The following LRRTM4 variants were observed in gnomAD, a reference collection of about 807,000 sequenced individuals.
The protein encoded by LRRTM4 is leucine rich repeat transmembrane neuronal 4.
LRRTM4 carries 25 observed loss-of-function variants against 47.6 expected under a neutral mutation model. The observed-to-expected ratio is 0.53, with a 90% CI of 0.38 to 0.73. The LOEUF (loss-of-function observed/expected upper bound fraction) is 0.73. Ranked by LOEUF, LRRTM4 falls within the 30% of genes least tolerant of loss-of-function variation. The pLI is 0.00. For missense variants in LRRTM4, 638 were observed against 713.4 expected, an observed-to-expected ratio of 0.89 and a Z score of 1.20; for synonymous variants, 311 against 269.5, an observed-to-expected ratio of 1.15 and a Z score of -1.51.
chr2:77,350,401 G>GA (rs1259763446), intron 3 of LRRTM4, among the ~76,000 whole-genome samples: 1 of 100,188 alleles, frequency 1.0e-5, no homozygotes, highest in African/African-American at 3.5e-5. Context: ...TATGAATTTA[G>GA]AAAAAATTGA....
intron 3 of LRRTM4, among the ~76,000 whole-genome samples, chr2:76,962,553 C>A (rs1207697813): frequency 6.7e-6 from 1 of 150,202 alleles, no homozygotes; most frequent in East Asian, 2.0e-4. Flanking sequence ...AATAGCTGAA[C>A]TTTTGTGGTG....
At chr2:77,273,074 C>A (rs1676249432) in intron 3 of LRRTM4, among the ~76,000 whole-genome samples, 1 of 151,996 alleles carries the variant, frequency 6.6e-6, no homozygotes, top group South Asian at 2.1e-4. Context: ...ATAATGGGAC[C>A]ACTTTAATCA....
chr2:77,520,062 T>A (rs1160990947), intron 2 of LRRTM4, among the ~76,000 whole-genome samples, 198 bp from the exon 3 acceptor site: 1 of 152,122 alleles, frequency 6.6e-6, no homozygotes, highest in African/African-American at 2.4e-5. Context: ...TTCCTTGATC[T>A]TCAAATCACC....
At chr2:77,261,841 G>A (rs1254421157) in intron 3 of LRRTM4, among the ~76,000 whole-genome samples, 2 of 151,968 alleles carry the variant, frequency 1.3e-5, no homozygotes, top group Non-Finnish European at 2.9e-5. Flanking sequence ...TACAGTAGAG[G>A]TCCTATACAA....
chr2:77,371,681 TAC>T (rs1478624563), intron 3 of LRRTM4, among the ~76,000 whole-genome samples: 1 of 151,758 alleles, frequency 6.6e-6, no homozygotes, highest in Non-Finnish European at 1.5e-5. Flanking sequence ...AAGTCCTGAC[TAC>T]ACTAATTAAC....
At chr2:77,279,573 A>C (rs1676454300) in intron 3 of LRRTM4, among the ~76,000 whole-genome samples, 1 of 151,948 alleles carries the variant, frequency 6.6e-6, no homozygotes, top group South Asian at 2.1e-4. Context: ...AATTCTATTA[A>C]TTTAGTACAT....
chr2:76,768,464 G>C (rs995398212), intron 3 of LRRTM4, among the ~76,000 whole-genome samples: 1 of 152,098 alleles, frequency 6.6e-6, no homozygotes, highest in African/African-American at 2.4e-5. Context: ...AACTACCCAG[G>C]AAGTGACGGT....
chr2:77,455,427 T>C (rs995454936), intron 3 of LRRTM4, among the ~76,000 whole-genome samples: 2 of 152,128 alleles, frequency 1.3e-5, no homozygotes, highest in African/African-American at 4.8e-5. Flanking sequence ...GATAACCTAG[T>C]TGATCCACCT....
At chr2:76,802,851 A>G (rs1675772756) in intron 3 of LRRTM4, among the ~76,000 whole-genome samples, 1 of 152,154 alleles carries the variant, frequency 6.6e-6, no homozygotes, top group African/African-American at 2.4e-5. Flanking sequence ...ACGATGGAGA[A>G]AGGACACGCT....
intron 3 of LRRTM4, among the ~76,000 whole-genome samples, chr2:77,051,762 G>C (rs1276377157): frequency 1.3e-5 from 2 of 152,060 alleles, no homozygotes; most frequent in African/African-American, 2.4e-5. Flanking sequence ...CAAAATTAAT[G>C]ATCAAATTTG....
At chr2:77,455,873 C>A (rs1676519200) in intron 3 of LRRTM4, among the ~76,000 whole-genome samples, 1 of 152,116 alleles carries the variant, frequency 6.6e-6, no homozygotes, top group Non-Finnish European at 1.5e-5. Flanking sequence ...TCACTCTCCA[C>A]CATTCCAGAA....
At chr2:77,381,897 T>A (rs1398847411) in intron 3 of LRRTM4, among the ~76,000 whole-genome samples, 1 of 152,236 alleles carries the variant, frequency 6.6e-6, no homozygotes, top group Non-Finnish European at 1.5e-5. Flanking sequence ...AGAAGGAACT[T>A]ATTTATATGC....
chr2:77,071,293 T>G (rs559531296), intron 3 of LRRTM4, among the ~76,000 whole-genome samples: 1 of 152,308 alleles, frequency 6.6e-6, no homozygotes, highest in South Asian at 2.1e-4. Context: ...AACAAAAATT[T>G]TCCAAACCTA....
At chr2:77,514,548 T>C (rs1406090401) in intron 3 of LRRTM4, among the ~76,000 whole-genome samples, 1 of 152,042 alleles carries the variant, frequency 6.6e-6, no homozygotes, top group Non-Finnish European at 1.5e-5. Flanking sequence ...ATATTAAATA[T>C]TTGGAAAATA....
At chr2:77,362,688 T>A (rs1234042346) in intron 3 of LRRTM4, among the ~76,000 whole-genome samples, 1 of 152,158 alleles carries the variant, frequency 6.6e-6, no homozygotes, top group South Asian at 2.1e-4. Context: ...ATGAGGATAG[T>A]CTAACTGGCT....
chr2:76,858,161 T>A (rs1672208548), intron 3 of LRRTM4, among the ~76,000 whole-genome samples: 1 of 152,114 alleles, frequency 6.6e-6, no homozygotes, highest in South Asian at 2.1e-4. Context: ...TAATTCTGGG[T>A]GTTTCTATAG....
At chr2:77,363,179 A>C (rs1393350696) in intron 3 of LRRTM4, among the ~76,000 whole-genome samples, 4 of 152,246 alleles carry the variant, frequency 2.6e-5, no homozygotes, top group Non-Finnish European at 5.9e-5. Context: ...TACTATCTCC[A>C]TAATTAAAAT....
At position 76,779,456 on chromosome 2, in the gene LRRTM4, G is replaced by A. The variant is rs540107485; in HGVS notation, c.1552-30540C>T. On this transcript the variant is annotated intron_variant, in intron 3 of 3. Transcript: ENST00000409884. ...GAATCTGGGTGCTCCTGTATTGGGT[G>A]CATATATATTTAGGATAGTTAGCTC... Among the ~76,000 whole-genome samples the A allele has an allele frequency of 2.1e-3, 315 of 148,368 alleles. 3 individuals carry two copies. The highest frequency in any genetic ancestry group is 7.6e-3 in the African/African-American group (305 of 39,946).
intron 3 of LRRTM4, among the ~76,000 whole-genome samples, chr2:76,803,054 T>A (rs2103781190): frequency 6.6e-6 from 1 of 152,252 alleles, no homozygotes; most frequent in Admixed American, 6.5e-5. Flanking sequence ...GATTTATTTT[T>A]ATTTTTTGCA....
Sources: gnomAD v4.1 joint callset for allele counts (sites outside exome capture counted in the v4.1 genomes callset) on GRCh38, gnomAD v4.1.1 for gene constraint, MANE v1.5 for transcripts, NCBI Gene and HGNC (gene_info 2026-07-23, HGNC 2026-07-21) for gene names.